Variants in RALGPS1 observed in about 807,000 individuals in gnomAD.
The protein encoded by RALGPS1 is ras-specific guanine nucleotide-releasing factor RalGPS1.
RALGPS1 carries 19 observed loss-of-function variants against 78.8 expected under a neutral mutation model. The ratio of observed to expected loss-of-function variants is 0.24; its 90% CI spans 0.17 to 0.35. The LOEUF (loss-of-function observed/expected upper bound fraction) is 0.35, where lower values mean the gene tolerates loss of function less well. Ranked by LOEUF, RALGPS1 falls within the 10% of genes least tolerant of loss-of-function variation. The pLI is 1.00. For synonymous variants in RALGPS1, 228 were observed against 256.3 expected, an observed-to-expected ratio of 0.89 and a Z score of 1.06; for missense variants, 454 against 688.3, an observed-to-expected ratio of 0.66 and a Z score of 3.81.
intron 8 of RALGPS1, among the ~76,000 whole-genome samples, chr9:127,119,431 C>T (rs1201437752): frequency 7.2e-5 from 11 of 152,178 alleles, no homozygotes; most frequent in Non-Finnish European, 1.6e-4. Flanking sequence ...GGTGTCTAAA[C>T]AAGGCACTGA....
intron 7 of RALGPS1, among the ~76,000 whole-genome samples, chr9:127,062,777 C>A (rs866751683): frequency 1.3e-5 from 2 of 152,188 alleles, no homozygotes; most frequent in Admixed American, 1.3e-4. Context: ...ATTTCAGTTA[C>A]AGTTTTTCCT....
chr9:127,200,990 G>A (rs984468752), intron 14 of RALGPS1, among the ~76,000 whole-genome samples: 1 of 152,208 alleles, frequency 6.6e-6, no homozygotes, highest in Non-Finnish European at 1.5e-5. Context: ...GCTGCTCCCT[G>A]CCAGACACCA....
At chr9:127,168,152 C>G (rs902856150) in intron 9 of RALGPS1, among the ~76,000 whole-genome samples, 1 of 152,258 alleles carries the variant, frequency 6.6e-6, no homozygotes, top group African/African-American at 2.4e-5. Flanking sequence ...CTGGACCCCT[C>G]CCTTTCTTCC....
chr9:127,093,368 G>A (rs186639094), intron 8 of RALGPS1, among the ~76,000 whole-genome samples: 104 of 152,240 alleles, frequency 6.8e-4, no homozygotes, highest in African/African-American at 2.4e-3. Context: ...CTTTGAGAGC[G>A]GGTCTTTCCC....
intron 8 of RALGPS1, among the ~76,000 whole-genome samples, chr9:127,164,371 G>C (rs185216667): frequency 6.6e-6 from 1 of 151,454 alleles, no homozygotes; most frequent in Non-Finnish European, 1.5e-5. Flanking sequence ...GAGTAGCTGG[G>C]ATTACAGGCG....
At chr9:127,006,576 C>T (rs1387192503) in intron 4 of RALGPS1, among the ~76,000 whole-genome samples, 1 of 152,142 alleles carries the variant, frequency 6.6e-6, no homozygotes. Flanking sequence ...TTATTGAATG[C>T]TCGTTATGTG....
intron 14 of RALGPS1, among the ~76,000 whole-genome samples, chr9:127,199,602 A>ATCCCTCTGCCTCCCTCGAGGT (rs1157256190): frequency 6.6e-6 from 1 of 150,992 alleles, no homozygotes; most frequent in Non-Finnish European, 1.5e-5. Context: ...TCCCTCGAGG[A>ATCCCTCTGCCTCCCTCGAGGT]TCCCTTGGCC....
At chr9:127,002,430 ATTCTTTTTTTTTTTT>A (rs2043401679) in intron 4 of RALGPS1, among the ~76,000 whole-genome samples, 2 of 102,412 alleles carry the variant, frequency 2.0e-5, no homozygotes, top group African/African-American at 9.1e-5. Context: ...TACCACAAAC[ATTCTTTTTTTTTTTT>A]TTCTTTTTTT....
intron 4 of RALGPS1, among the ~76,000 whole-genome samples, chr9:127,018,649 T>TG (rs1429289965): frequency 4.2e-5 from 2 of 47,770 alleles, no homozygotes; most frequent in African/African-American, 8.3e-5. Context: ...ATAATGATGA[T>TG]AATAATAATA....
At chr9:127,209,762 T>C (rs2062136770) in intron 14 of RALGPS1, among the ~76,000 whole-genome samples, 2 of 152,144 alleles carry the variant, frequency 1.3e-5, no homozygotes, top group Non-Finnish European at 2.9e-5. Context: ...GCAGGTACGA[T>C]GTACCTGCTG....
intron 11 of RALGPS1, among the ~76,000 whole-genome samples, chr9:127,189,003 A>G: frequency 1.6e-5 from 1 of 60,876 alleles, no homozygotes; most frequent in African/African-American, 4.3e-5. Context: ...GTCTCAAAAA[A>G]AAAAAAAAAA....
chr9:126,961,898 A>G (rs2038931939), intron 1 of RALGPS1, among the ~76,000 whole-genome samples: 1 of 152,196 alleles, frequency 6.6e-6, no homozygotes, highest in Non-Finnish European at 1.5e-5. Context: ...CCCTGCTCCA[A>G]TCCAAGGGGC....
At chr9:127,214,645 G>C in intron 17 of RALGPS1, 106 bp from the exon 18 acceptor site, 2 of 1,491,018 alleles carry the variant, frequency 1.3e-6, no homozygotes, top group East Asian at 5.0e-5. Flanking sequence ...ACCTGGGGCC[G>C]ACCTTCCCAC....
rs190843382 is a variant in RALGPS1, at chr9:127,036,999, C to T, written c.300+2485C>T. Among the ~76,000 whole-genome samples the T allele has an allele frequency of 9.1e-4, 138 of 152,322 alleles. 1 individual carries two copies. Among genetic ancestry groups the T allele is most frequent in the Admixed American group, 6.6e-3 (101 of 15,306 alleles). Reference sequence around the variant, plus strand: ...CCACAGGCCTGGGTGTGAGTCTTATCGCAACAACTTATTAGCTGTATGATC... The same window carrying T: ...CCACAGGCCTGGGTGTGAGTCTTATTGCAACAACTTATTAGCTGTATGATC... On this transcript the variant is annotated intron_variant, in intron 5 of 18. Transcript: ENST00000259351.
chr9:127,200,334 C>T (rs1049096488), intron 14 of RALGPS1, among the ~76,000 whole-genome samples: 1 of 152,250 alleles, frequency 6.6e-6, no homozygotes, highest in Non-Finnish European at 1.5e-5. Context: ...TGGTGCTTTG[C>T]GTGCATGGAT....
chr9:127,108,095 C>T (rs756824904), intron 8 of RALGPS1: 28 of 1,610,706 alleles, frequency 1.7e-5, no homozygotes, highest in Middle Eastern at 3.3e-4. Flanking sequence ...GGCTGGGGGA[C>T]GGGCCTGGCC....
intron 8 of RALGPS1, among the ~76,000 whole-genome samples, chr9:127,162,045 T>C (rs953962831): frequency 2.6e-5 from 4 of 152,230 alleles, no homozygotes; most frequent in African/African-American, 9.6e-5. Flanking sequence ...TGACTGGTGG[T>C]GGCTCTCTCT....
chr9:126,962,318 G>A lies in RALGPS1; in HGVS notation c.29G>A (p.Ser10Asn). The change falls in exon 2 of 19, where the codon AGC becomes AAC. Residue 10 changes from serine (S) to asparagine (N), a missense_variant. Coordinates refer to ENST00000259351, the MANE Select transcript of RALGPS1 (RefSeq NM_014636.3). ...TACAAGAGGAATGGTCTGATGGCTA[G>A]CGTGTTGGTCACCTCTGCCACTCCA... MYKRNGLMASVLVTSATPQG... is the reference protein window; with the variant it reads MYKRNGLMANVLVTSATPQG... The A allele has an allele frequency of 3.1e-6, 5 of 1,614,198 alleles. No individual in the cohort carries two copies. In the East Asian group the frequency reaches 8.9e-5, roughly 29 times the overall value.
At position 127,211,670 on chromosome 9, in the gene RALGPS1, C is replaced by T. The variant is rs945220913; in HGVS notation, c.1248-461C>T. On this transcript the variant is annotated intron_variant, in intron 14 of 18. Coordinates refer to ENST00000259351, the MANE Select transcript of RALGPS1 (RefSeq NM_014636.3). This position sits in a 1 kb window ranked among gnomAD's most constrained non-coding sequence, Gnocchi z 5.0. ...AGATGTGGGGAATGGTGCGTGTGGG[C>T]TCGCGTCCCTCCTGTCCCTCCACAC... is the stretch of plus-strand genomic sequence containing the variant. 3.3e-5 allele frequency among the ~76,000 whole-genome samples: 5 copies of T among 152,038 alleles called. No homozygotes were observed. The highest frequency in any genetic ancestry group is 1.2e-4 in the African/African-American group (5 of 41,386).
Sources: gnomAD v4.1 joint callset for allele counts (sites outside exome capture counted in the v4.1 genomes callset) on GRCh38, gnomAD v4.1.1 for gene constraint, Gnocchi (gnomAD v3.1) non-coding constraint, MANE v1.5 for transcripts, NCBI Gene and HGNC (gene_info 2026-07-23, HGNC 2026-07-21) for gene names.